The following ZFPM2 variants were observed in gnomAD, a reference collection of about 807,000 sequenced individuals.
The protein encoded by ZFPM2 is zinc finger protein, FOG family member 2, also known as zinc finger protein ZFPM2.
A neutral mutation model predicts 98.6 loss-of-function variants in ZFPM2; 20 were observed. The observed-to-expected ratio is 0.20, with a 90% CI of 0.14 to 0.29. ZFPM2 has a LOEUF of 0.29. ZFPM2 is among the 10% of genes least tolerant of loss of function. The pLI, the probability that ZFPM2 is intolerant of heterozygous loss-of-function variation, is 1.00. For synonymous variants in ZFPM2, 518 were observed against 502.7 expected (o/e 1.03, Z -0.41); for missense variants, 1,310 against 1,388.6 (o/e 0.94, Z 0.90).
chr8:105,337,502 T>C (rs183672385), intron 1 of ZFPM2, among the ~76,000 whole-genome samples: 331 of 151,796 alleles, frequency 2.2e-3, no homozygotes, highest in African/African-American at 5.8e-3. Context: ...TTCTCCTCTT[T>C]CCCACCCTTG....
chr8:105,544,152 AAAAT>A (rs1814640320), intron 3 of ZFPM2, among the ~76,000 whole-genome samples: 1 of 152,208 alleles, frequency 6.6e-6, no homozygotes, highest in Admixed American at 6.6e-5. Context: ...AAAATATTAC[AAAAT>A]AAATTTCTTA....
Position 105,434,411 on chromosome 8 carries a change from C to T in ZFPM2, c.200-9869C>T, listed in dbSNP as rs139128889. On this transcript the variant is annotated intron_variant, in intron 2 of 7. Coordinates refer to ENST00000407775, the MANE Select transcript of ZFPM2 (RefSeq NM_012082.4). ...ACTGAATCTTAAACTTTAATGTCCT[C>T]GCCCTTCCGTATGAGCTGCAGTTTT... 9.2e-4 allele frequency among the ~76,000 whole-genome samples: 140 copies of T among 152,228 alleles called. 1 individual carries two copies. Among genetic ancestry groups the T allele is most frequent in the East Asian group, 6.4e-3 (33 of 5,184 alleles).
chr8:105,555,556 T>A (rs1034849249), intron 3 of ZFPM2, among the ~76,000 whole-genome samples: 10 of 152,248 alleles, frequency 6.6e-5, no homozygotes, highest in Admixed American at 5.9e-4. Context: ...TTTTCAAATA[T>A]CATGTGTCAC....
At chr8:105,691,494 C>A (rs1246160443) in intron 5 of ZFPM2, among the ~76,000 whole-genome samples, 4 of 121,862 alleles carry the variant, frequency 3.3e-5, no homozygotes, top group Non-Finnish European at 7.1e-5. Flanking sequence ...ATGATCCACC[C>A]GCCTCGGCCT....
intron 5 of ZFPM2, among the ~76,000 whole-genome samples, chr8:105,653,368 C>G (rs747408284): frequency 4.6e-5 from 7 of 152,154 alleles, no homozygotes; most frequent in Non-Finnish European, 1.0e-4. Context: ...GGTAGAGAAT[C>G]TGTTAACTTT....
chr8:105,566,367 T>C (rs1815243454), intron 4 of ZFPM2, among the ~76,000 whole-genome samples: 1 of 152,288 alleles, frequency 6.6e-6, no homozygotes, highest in South Asian at 2.1e-4. Context: ...TAGCACAAAC[T>C]TGGTGTTTTT....
intron 5 of ZFPM2, among the ~76,000 whole-genome samples, chr8:105,683,326 A>G (rs1442478226): frequency 6.6e-6 from 1 of 152,138 alleles, no homozygotes; most frequent in African/African-American, 2.4e-5. Flanking sequence ...TCCAATGCAC[A>G]TGCAAACTGC....
intron 3 of ZFPM2, among the ~76,000 whole-genome samples, chr8:105,471,463 A>G (rs1812901711): frequency 6.6e-6 from 1 of 152,220 alleles, no homozygotes; most frequent in African/African-American, 2.4e-5. Flanking sequence ...GTACCACTTT[A>G]TCACTTTAAG....
intron 3 of ZFPM2, among the ~76,000 whole-genome samples, chr8:105,539,983 ATT>A (rs1418595435): frequency 2.0e-5 from 3 of 152,174 alleles, no homozygotes; most frequent in African/African-American, 7.2e-5. Flanking sequence ...AGTGTTATTT[ATT>A]AAAGTCAGCT....
chr8:105,412,217 C>T (rs1297544643), intron 1 of ZFPM2, among the ~76,000 whole-genome samples: 1 of 151,714 alleles, frequency 6.6e-6, no homozygotes, highest in African/African-American at 2.4e-5. Flanking sequence ...GACCCCTTCC[C>T]CTTCATTTTT....
At chr8:105,783,967 G>A (rs1373290948) in intron 5 of ZFPM2, among the ~76,000 whole-genome samples, 5 of 151,976 alleles carry the variant, frequency 3.3e-5, no homozygotes, top group African/African-American at 1.2e-4. Context: ...TCATCATTTT[G>A]TACAATTTTA....
At chr8:105,753,158 C>T (rs988640740) in intron 5 of ZFPM2, among the ~76,000 whole-genome samples, 2 of 152,148 alleles carry the variant, frequency 1.3e-5, no homozygotes, top group African/African-American at 4.8e-5. Flanking sequence ...CTGGAATTAG[C>T]TGCAATTTCC....
chr8:105,472,441 C>A (rs1052501742), intron 3 of ZFPM2, among the ~76,000 whole-genome samples: 4 of 152,152 alleles, frequency 2.6e-5, no homozygotes, highest in Non-Finnish European at 5.9e-5. Flanking sequence ...AACTGGAGAA[C>A]AATTTAAATA....
chr8:105,649,195 A>G (rs1335436234), intron 5 of ZFPM2, among the ~76,000 whole-genome samples: 1 of 152,146 alleles, frequency 6.6e-6, no homozygotes, highest in Non-Finnish European at 1.5e-5. Flanking sequence ...CTATTGGTGT[A>G]TAGGAATGCT....
At chr8:105,353,894 T>A (rs1812693170) in intron 1 of ZFPM2, among the ~76,000 whole-genome samples, 1 of 152,226 alleles carries the variant, frequency 6.6e-6, no homozygotes, top group Non-Finnish European at 1.5e-5. Context: ...CACTTGAACT[T>A]GTAGTATGTT....
intron 6 of ZFPM2, chr8:105,796,890 A>G (rs1813838149): frequency 6.6e-6 from 1 of 152,180 alleles, no homozygotes; most frequent in Non-Finnish European, 1.5e-5. Context: ...GAAAGTCCTG[A>G]GTTTGCACAA....
intron 5 of ZFPM2, among the ~76,000 whole-genome samples, chr8:105,731,001 A>C (rs1403649344): frequency 6.6e-6 from 1 of 151,636 alleles, no homozygotes; most frequent in Non-Finnish European, 1.5e-5. Context: ...TCAGTTCAAC[A>C]CTTATCTTGA....
intron 4 of ZFPM2, among the ~76,000 whole-genome samples, chr8:105,577,324 G>GCA (rs1815488044): frequency 6.6e-6 from 1 of 151,922 alleles, no homozygotes; most frequent in African/African-American, 2.4e-5. Flanking sequence ...ATGTGTGCAG[G>GCA]CACACACACA....
intron 5 of ZFPM2, among the ~76,000 whole-genome samples, chr8:105,649,864 A>C (rs896472825): frequency 7.2e-5 from 11 of 152,204 alleles, no homozygotes; most frequent in South Asian, 2.1e-4. Flanking sequence ...TGTCTCTGCC[A>C]GCCTTTGGTA....
Sources: allele counts gnomAD v4.1 joint callset (sites outside exome capture counted in the v4.1 genomes callset), GRCh38; gene constraint gnomAD v4.1.1; transcripts MANE v1.5; gene names NCBI Gene and HGNC (gene_info 2026-07-23, HGNC 2026-07-21).